The following WBP2NL variants were observed in gnomAD, a reference collection of about 807,000 sequenced individuals.
The protein encoded by WBP2NL is postacrosomal sheath WW domain-binding protein.
In WBP2NL, 27 loss-of-function variants were observed where a neutral mutation model predicts 23.3. The ratio of observed to expected loss-of-function variants is 1.16; its 90% CI spans 0.85 to 1.60. The LOEUF (loss-of-function observed/expected upper bound fraction) is 1.60. WBP2NL is among the 40% of genes most tolerant of loss of function. The pLI is 0.00. For missense variants in WBP2NL, 370 were observed against 389.5 expected (o/e 0.95, Z 0.42); for synonymous variants, 151 against 145.9 (o/e 1.03, Z -0.25).
intron 8 of WBP2NL, among the ~76,000 whole-genome samples, chr22:42,051,599 G>A (rs76775151): frequency 1.3e-5 from 2 of 152,344 alleles, no homozygotes; most frequent in African/African-American, 4.8e-5. Flanking sequence ...AACAGTGAGT[G>A]AAGAGAGGGT....
chr22:41,999,509 G>T (rs1921361611), intron 1 of WBP2NL, among the ~76,000 whole-genome samples: 1 of 152,184 alleles, frequency 6.6e-6, no homozygotes, highest in Admixed American at 6.5e-5. Flanking sequence ...GAGGCCAGGT[G>T]CAGTGGCTCA....
At chr22:42,041,903 G>A (rs1925412263) in intron 8 of WBP2NL, among the ~76,000 whole-genome samples, 1 of 152,124 alleles carries the variant, frequency 6.6e-6, no homozygotes, top group Non-Finnish European at 1.5e-5. Flanking sequence ...TTGTTTATGT[G>A]GGAAAGACTA....
intron 1 of WBP2NL, among the ~76,000 whole-genome samples, chr22:42,008,101 CCTTTCCTTTCCTTTCCTTTG>C (rs1304058703): frequency 0.014 from 1,632 of 119,176 alleles, 44 homozygotes; most frequent in Non-Finnish European, 0.019. Flanking sequence ...CCTTTCCTTT[CCTTTCCTTTCCTTTCCTTTG>C]CTTTCCTTTC....
intron 4 of WBP2NL, among the ~76,000 whole-genome samples, chr22:42,020,868 G>GTATATGTATATATATATA (rs1483881577): frequency 6.6e-5 from 1 of 15,248 alleles, no homozygotes; most frequent in Non-Finnish European, 1.0e-4. Context: ...GTGTGTGTGT[G>GTATATGTATATATATATA]TATATATATA....
intron 8 of WBP2NL, among the ~76,000 whole-genome samples, chr22:42,049,700 CAAAACAAAA>C (rs1925753086): frequency 1.1e-4 from 4 of 36,492 alleles, no homozygotes; most frequent in South Asian, 1.3e-3. Context: ...CAAAACAAAA[CAAAACAAAA>C]AAAAAAAAAA....
Position 42,019,686 on chromosome 22 carries a change from A to C in WBP2NL, c.196A>C (p.Ile66Leu), listed in dbSNP as rs746353007. The change falls in exon 3 of 6, where the codon ATC becomes CTC. Residue 66 changes from isoleucine to leucine, a missense_variant. By Grantham distance (5) the Ile-to-Leu change is conservative. Coordinates refer to ENST00000328823, the MANE Select transcript of WBP2NL (RefSeq NM_152613.3). ...YRVIFITSCS[I>L]SDPMLSFMMP... The stretch of plus-strand genomic sequence containing the variant: ...GGTGATTTTCATAACTTCATGCTCC[A>C]TCAGTGATCCCATGTTGTCTTTTAT... The C allele has an allele frequency of 1.2e-6, 2 of 1,614,198 alleles. No homozygotes were observed. Among genetic ancestry groups the C allele is most frequent in the Non-Finnish European group, 8.5e-7 (1 of 1,180,046 alleles).
rs765723774 is a variant in WBP2NL, at chr22:41,998,833, G to A, written c.15G>A (p.Gln5=). MAVN[Q]SHTENRRGAL... is the part of the protein sequence containing the mutation. ...CCCGAAGCAAGATGGCGGTGAATCA[G>A]AGCCACACCGAGAACCGCCGCGGAG... Residue 5 remains glutamine, a synonymous_variant, in exon 1 of 6, where the codon CAG becomes CAA. Coordinates refer to ENST00000328823, the MANE Select transcript of WBP2NL (RefSeq NM_152613.3). 5.0e-6 allele frequency: 8 copies of A among 1,612,188 alleles called. No individual in the cohort carries two copies. In the East Asian group the frequency reaches 6.7e-5, roughly 13 times the overall value.
At chr22:42,050,232 G>T (rs1191690852) in intron 8 of WBP2NL, among the ~76,000 whole-genome samples, 1 of 152,068 alleles carries the variant, frequency 6.6e-6, no homozygotes. Flanking sequence ...GCTTGAGGCT[G>T]CAGTGAACAA....
intron 8 of WBP2NL, among the ~76,000 whole-genome samples, chr22:42,047,159 G>T (rs1925617583): frequency 6.6e-6 from 1 of 150,932 alleles, no homozygotes; most frequent in Non-Finnish European, 1.5e-5. Flanking sequence ...TGTATCTGAT[G>T]GATATATAAA....
chr22:42,002,466 C>T (rs1602435866), intron 1 of WBP2NL, among the ~76,000 whole-genome samples: 1 of 152,088 alleles, frequency 6.6e-6, no homozygotes, highest in South Asian at 2.1e-4. Flanking sequence ...CGTCTGTAAT[C>T]CCAGCGACTC....
intron 1 of WBP2NL, among the ~76,000 whole-genome samples, chr22:42,012,685 C>T (rs139856544): frequency 1.2e-3 from 179 of 151,998 alleles, no homozygotes; most frequent in African/African-American, 4.2e-3. Context: ...TCATAGAATT[C>T]TTGGTTAAGA....
chr22:42,020,390 C>G (rs1970413422), intron 4 of WBP2NL, among the ~76,000 whole-genome samples: 1 of 152,092 alleles, frequency 6.6e-6, no homozygotes, highest in African/African-American at 2.4e-5. Flanking sequence ...TCTACTCAGC[C>G]AAGATTTGCT....
chr22:42,053,227 A>T (rs746599233), intron 8 of WBP2NL, among the ~76,000 whole-genome samples: 20 of 152,228 alleles, frequency 1.3e-4, no homozygotes, highest in Non-Finnish European at 2.2e-4. Context: ...TCATCAGTTG[A>T]TAGACGTTTG....
intron 8 of WBP2NL, among the ~76,000 whole-genome samples, chr22:42,040,063 C>T (rs1925344996): frequency 1.3e-5 from 2 of 151,220 alleles, no homozygotes; most frequent in African/African-American, 4.9e-5. Context: ...AGGCAGGCAC[C>T]ACCATACCCG....
chr22:42,041,412 G>A (rs554857737), intron 8 of WBP2NL, among the ~76,000 whole-genome samples: 1 of 151,252 alleles, frequency 6.6e-6, no homozygotes, highest in South Asian at 2.1e-4. Flanking sequence ...AACCCAGGAG[G>A]CGGAGGTTAC....
downstream of WBP2NL, among the ~76,000 whole-genome samples, chr22:42,037,065 C>T (rs1217512698): frequency 6.6e-6 from 1 of 151,494 alleles, no homozygotes; most frequent in Non-Finnish European, 1.5e-5. Context: ...TCAAGTTTTA[C>T]ATTTGAGCCT....
chr22:42,047,268 T>TAAAAA (rs1569454673), intron 8 of WBP2NL, among the ~76,000 whole-genome samples: 2 of 36,222 alleles, frequency 5.5e-5, no homozygotes, highest in African/African-American at 1.6e-4. Context: ...ATTTTCAAGC[T>TAAAAA]CAAAAAAAAA....
chr22:42,017,775 G>T, intron 1 of WBP2NL, among the ~76,000 whole-genome samples: 1 of 152,110 alleles, frequency 6.6e-6, no homozygotes, highest in Non-Finnish European at 1.5e-5. Context: ...ACATTGGGAG[G>T]CTAAAGCAGG....
intron 8 of WBP2NL, among the ~76,000 whole-genome samples, chr22:42,048,697 A>T (rs1925694496): frequency 6.6e-6 from 1 of 150,936 alleles, no homozygotes; most frequent in Non-Finnish European, 1.5e-5. Flanking sequence ...CGGAGCTTGC[A>T]GTGAGCCAGG....
Sources: allele counts gnomAD v4.1 joint callset (sites outside exome capture counted in the v4.1 genomes callset), GRCh38; gene constraint gnomAD v4.1.1; transcripts MANE v1.5; gene names NCBI Gene and HGNC (gene_info 2026-07-23, HGNC 2026-07-21).